Variants in EXOSC9 observed in about 807,000 individuals in gnomAD.
EXOSC9 encodes the protein exosome component 9.
Under a neutral mutation model 56.5 loss-of-function variants are expected in EXOSC9, and 38 were observed. The observed-to-expected ratio is 0.67, with a 90% CI of 0.52 to 0.88. The LOEUF is 0.88. Ranked by LOEUF, EXOSC9 falls within the 40% of genes least tolerant of loss-of-function variation. The pLI is 0.00. For missense variants in EXOSC9, 559 were observed against 530.5 expected (o/e 1.05, Z -0.53); for synonymous variants, 170 against 170.8 (o/e 0.99, Z 0.04).
chr4:121,809,795 A>G, intron 6 of EXOSC9, 172 bp from the exon 7 acceptor site: 1 of 643,576 alleles, frequency 1.6e-6, no homozygotes, highest in Non-Finnish European at 2.7e-6. Flanking sequence ...ATTTGTGTTC[A>G]TAAACACAAT....
chr4:121,816,924 G>A lies in EXOSC9; in HGVS notation c.*68G>A. On this transcript the variant is annotated 3_prime_UTR_variant, in exon 12 of 12. Transcript: ENST00000243498. Reference sequence around the variant, plus strand: ...TATTTATTCCATTCTGAGAACCCTGGGTATTTTTTATTCACAAATCCATTA... The same window carrying A: ...TATTTATTCCATTCTGAGAACCCTGAGTATTTTTTATTCACAAATCCATTA... 7.4e-7 allele frequency: 1 copy of A among 1,348,342 alleles called. No individual in the cohort carries two copies. Among genetic ancestry groups the A allele is most frequent in the Non-Finnish European group, 9.8e-7 (1 of 1,020,528 alleles). 83.5% of individuals were successfully genotyped at this position (1,348,342 alleles called of 1,614,324 possible).
chr4:121,808,379 A>G (rs1314611386), intron 6 of EXOSC9, among the ~76,000 whole-genome samples: 1 of 152,016 alleles, frequency 6.6e-6, no homozygotes, highest in Non-Finnish European at 1.5e-5. Context: ...CTTTTTTTTG[A>G]GATGAGGTCT....
chr4:121,810,815 A>G (rs1374119297), intron 7 of EXOSC9, among the ~76,000 whole-genome samples: 1 of 152,144 alleles, frequency 6.6e-6, no homozygotes, highest in Admixed American at 6.6e-5. Context: ...GTGAGCTGAG[A>G]TCGTGTCACT....
Position 121,801,473 on chromosome 4 carries a change from G to A in EXOSC9, c.49G>A (p.Ala17Thr). The A allele has an allele frequency of 6.2e-7, 1 of 1,614,240 alleles. No individual in the cohort carries two copies. The highest frequency in any genetic ancestry group is 2.2e-5 in the East Asian group (1 of 44,886). ...CTGCGAACGCCGCTTCCTACTCCGTGCCATCGAAGAGAAGAAGGTATGGTT... is the reference window on the plus strand; with the variant it reads ...CTGCGAACGCCGCTTCCTACTCCGTACCATCGAAGAGAAGAAGGTATGGTT... ...SNCERRFLLRAIEEKKRLDGR... is the reference protein window; with the variant it reads ...SNCERRFLLRTIEEKKRLDGR... The change falls in exon 1 of 12, where the codon GCC becomes ACC. Residue 17 changes from alanine (A) to threonine (T), a missense_variant. Ala to Thr is a moderately conservative substitution (Grantham distance 58). Coordinates refer to ENST00000243498, the MANE Select transcript of EXOSC9 (RefSeq NM_005033.3).
intron 7 of EXOSC9, among the ~76,000 whole-genome samples, chr4:121,810,471 G>A (rs965509780): frequency 2.0e-5 from 3 of 152,044 alleles, no homozygotes; most frequent in African/African-American, 7.2e-5. Flanking sequence ...CTTGAGGTCA[G>A]GAGTTCAAGA....
intron 6 of EXOSC9, among the ~76,000 whole-genome samples, chr4:121,809,113 G>A (rs955247499): frequency 2.0e-5 from 3 of 151,888 alleles, no homozygotes; most frequent in Non-Finnish European, 4.4e-5. Context: ...AGCCTTCCAA[G>A]TAGCTGGGAC....
In EXOSC9 at chr4:121,801,330, T is replaced by C. The variant is rs1726850680; in HGVS notation, c.-95T>C. Reference sequence around the variant, plus strand: ...CCGCCGCGCCTTGATGACGTAATTTTCCTGCGCCTCGGGGCGAGCAGCGGC... The same window carrying C: ...CCGCCGCGCCTTGATGACGTAATTTCCCTGCGCCTCGGGGCGAGCAGCGGC... On this transcript the variant is annotated 5_prime_UTR_variant, in exon 1 of 12. Transcript: ENST00000243498. The C allele has an allele frequency of 8.1e-7, 1 of 1,236,662 alleles. No homozygotes were observed. 76.6% of individuals were successfully genotyped at this position (1,236,662 alleles called of 1,614,324 possible). A position where few individuals can be genotyped will look rare whatever the true frequency, so the allele number is the denominator to read the frequency against.
At chr4:121,815,204 T>C (rs1490022970) in intron 10 of EXOSC9, 1 of 176,438 alleles carries the variant, frequency 5.7e-6, no homozygotes, top group African/African-American at 2.4e-5. Flanking sequence ...TGTGCAGTGA[T>C]GTAAGCTAAT....
rs1173013122 is a variant in EXOSC9, at chr4:121,816,125, T to C, written c.1157-244T>C. 7.9e-6 allele frequency: 5 copies of C among 631,342 alleles called. No homozygotes were observed. Among genetic ancestry groups the C allele is most frequent in the Non-Finnish European group, 1.4e-5 (5 of 369,106 alleles). 39.1% of individuals were successfully genotyped at this position (631,342 alleles called of 1,614,324 possible). On this transcript the variant is annotated intron_variant, in intron 10 of 11. Coordinates refer to ENST00000243498, the MANE Select transcript of EXOSC9 (RefSeq NM_005033.3). Reference sequence around the variant, plus strand: ...CACATGCCACCACGCCTGGCTAATTTTTCTATTATTTTTAATAGAGCTGGG... The same window carrying C: ...CACATGCCACCACGCCTGGCTAATTCTTCTATTATTTTTAATAGAGCTGGG...
At chr4:121,810,571 A>G (rs1056992232) in intron 7 of EXOSC9, among the ~76,000 whole-genome samples, 2 of 152,188 alleles carry the variant, frequency 1.3e-5, no homozygotes, top group African/African-American at 4.8e-5. Flanking sequence ...AATCCCAGCT[A>G]CTTGGGAGGC....
intron 5 of EXOSC9, among the ~76,000 whole-genome samples, chr4:121,806,597 G>A (rs1171061888): frequency 6.6e-6 from 1 of 151,996 alleles, no homozygotes; most frequent in Non-Finnish European, 1.5e-5. Flanking sequence ...TTGTTAGCCA[G>A]AAACTGGAAA....
intron 4 of EXOSC9, among the ~76,000 whole-genome samples, chr4:121,803,781 G>C (rs1235021796): frequency 6.6e-6 from 1 of 152,094 alleles, no homozygotes; most frequent in East Asian, 1.9e-4. Flanking sequence ...TGATTCACCT[G>C]CCTTGGCCTC....
chr4:121,809,122 A>G (rs1218814415), intron 6 of EXOSC9, among the ~76,000 whole-genome samples: 1 of 151,640 alleles, frequency 6.6e-6, no homozygotes, highest in East Asian at 1.9e-4. Flanking sequence ...AGTAGCTGGG[A>G]CTATAGGTGT....
At position 121,801,357 on chromosome 4, in the gene EXOSC9, C is replaced by G; in HGVS notation, c.-68C>G. On this transcript the variant is annotated 5_prime_UTR_variant, in exon 1 of 12. Coordinates refer to ENST00000243498, the MANE Select transcript of EXOSC9 (RefSeq NM_005033.3). ...CTGCGCCTCGGGGCGAGCAGCGGCGCGCAAGGAAAGATCGGGTTCCGTTTT... is the reference window on the plus strand; with the variant it reads ...CTGCGCCTCGGGGCGAGCAGCGGCGGGCAAGGAAAGATCGGGTTCCGTTTT... 5 of 1,470,158 alleles carry G rather than the reference C, an allele frequency of 3.4e-6. No individual in the cohort carries two copies. The highest frequency in any genetic ancestry group is 4.8e-6 in the Non-Finnish European group (5 of 1,048,910). 91.1% of individuals were successfully genotyped at this position (1,470,158 alleles called of 1,614,324 possible). A position where few individuals can be genotyped will look rare whatever the true frequency, so the allele number is the denominator to read the frequency against.
rs1726965468 is a variant in EXOSC9, at chr4:121,804,610, A to T, written c.385-12A>T. ...CAGTTAGGATTTATTTTTATTTTAA[A>T]TTCACTATCAGGTTTGGCAAATACG... On this transcript the variant is annotated splice_polypyrimidine_tract_variant and intron_variant, in intron 4 of 11. Coordinates refer to ENST00000243498, the MANE Select transcript of EXOSC9 (RefSeq NM_005033.3). The T allele has an allele frequency of 1.3e-6, 2 of 1,517,576 alleles. No homozygotes were observed. Among genetic ancestry groups the T allele is most frequent in the Admixed American group, 3.5e-5 (2 of 57,022 alleles). The allele number at this position is 1,517,576 out of a possible 1,614,324, so 94.0% of individuals were successfully genotyped here. A position where few individuals can be genotyped will look rare whatever the true frequency, so the allele number is the denominator to read the frequency against.
chr4:121,813,465 T>C (rs753372771), intron 9 of EXOSC9, 85 bp downstream of exon 9: 10 of 1,214,856 alleles, frequency 8.2e-6, no homozygotes, highest in Non-Finnish European at 8.2e-6. Context: ...ATGTGTATAC[T>C]GAAATTAGTT....
chr4:121,815,622 A>G, intron 10 of EXOSC9: 2 of 985,454 alleles, frequency 2.0e-6, no homozygotes, highest in Non-Finnish European at 2.4e-6. Flanking sequence ...CCTGACAGTA[A>G]TACAAATAAA....
intron 5 of EXOSC9, among the ~76,000 whole-genome samples, chr4:121,806,986 C>T (rs2149035855): frequency 6.6e-6 from 1 of 152,256 alleles, no homozygotes; most frequent in South Asian, 2.1e-4. Flanking sequence ...AAAATTGAAT[C>T]ATATACTTAA....
At position 121,801,934 on chromosome 4, in the gene EXOSC9, A is replaced by C; in HGVS notation, c.161+13A>C. Reference sequence around the variant, plus strand: ...TTGGAAAAACAAGGTAACAGGATTTAAATGAGATACACATTCGGAAGGGAG... The same window carrying C: ...TTGGAAAAACAAGGTAACAGGATTTCAATGAGATACACATTCGGAAGGGAG... On this transcript the variant is annotated intron_variant, in intron 2 of 11. Coordinates refer to ENST00000243498, the MANE Select transcript of EXOSC9 (RefSeq NM_005033.3). The C allele has an allele frequency of 6.4e-7, 1 of 1,573,540 alleles. No individual in the cohort carries two copies. The highest frequency in any genetic ancestry group is 1.7e-5 in the Admixed American group (1 of 59,978).
Sources: gnomAD v4.1 joint callset for allele counts (sites outside exome capture counted in the v4.1 genomes callset) on GRCh38, gnomAD v4.1.1 for gene constraint, MANE v1.5 for transcripts, NCBI Gene and HGNC (gene_info 2026-07-23, HGNC 2026-07-21) for gene names.